The following DPP6 variants were observed in gnomAD, a reference collection of about 807,000 sequenced individuals.
The protein encoded by DPP6 is A-type potassium channel modulatory protein DPP6.
In DPP6, 69 loss-of-function variants were observed where a neutral mutation model predicts 122.6. The ratio of observed to expected loss-of-function variants is 0.56; its 90% confidence interval spans 0.46 to 0.69. DPP6 has a LOEUF of 0.69. Ranked by LOEUF, DPP6 falls within the 30% of genes least tolerant of loss-of-function variation. The probability of loss-of-function intolerance (pLI) is 0.00; values close to 1 mark genes in which losing one functional copy is unlikely to be tolerated. For synonymous variants in DPP6, 418 were observed against 433.1 expected (o/e 0.97, Z 0.43); for missense variants, 928 against 1,116.9 (o/e 0.83, Z 2.41).
intron 1 of DPP6, among the ~76,000 whole-genome samples, chr7:154,229,892 A>C (rs1321269350): frequency 6.6e-6 from 1 of 152,192 alleles, no homozygotes; most frequent in Non-Finnish European, 1.5e-5. Flanking sequence ...TGTGAAACCC[A>C]TGCATAGTTG....
At chr7:154,747,355 G>A (rs1359174887) in intron 8 of DPP6, among the ~76,000 whole-genome samples, 2 of 152,196 alleles carry the variant, frequency 1.3e-5, no homozygotes, top group East Asian at 1.9e-4. Context: ...TCTGAGAAGC[G>A]AAATGATTTG....
intron 5 of DPP6, among the ~76,000 whole-genome samples, chr7:154,568,673 A>G (rs1830923058): frequency 6.6e-6 from 1 of 152,138 alleles, no homozygotes; most frequent in African/African-American, 2.4e-5. Flanking sequence ...TTTGCTAAAG[A>G]TGAGTCTTCA....
intron 3 of DPP6, among the ~76,000 whole-genome samples, chr7:154,506,990 T>C (rs1028847935): frequency 6.6e-6 from 1 of 152,220 alleles, no homozygotes; most frequent in Non-Finnish European, 1.5e-5. Flanking sequence ...CATACTTTTC[T>C]AGCCCTGGGT....
In DPP6 at chr7:154,491,764, G is replaced by C. The variant is rs538274822; in HGVS notation, c.457+16727G>C. Among the ~76,000 whole-genome samples the C allele has an allele frequency of 7.9e-5, 12 of 152,290 alleles. No homozygotes were observed. In the East Asian group the frequency reaches 1.9e-3, roughly 24 times the overall value. On this transcript the variant is annotated intron_variant, in intron 3 of 25. Coordinates refer to ENST00000377770, the MANE Select transcript of DPP6 (RefSeq NM_130797.4). ...AACCGACACCACTGACTGTGATCAT[G>C]CCCCCAGCATACGAAGGAGGATTTT...
chr7:154,119,430 G>T (rs541912727), intron 1 of DPP6, among the ~76,000 whole-genome samples: 58 of 151,978 alleles, frequency 3.8e-4, no homozygotes, highest in African/African-American at 1.3e-3. Context: ...GTTTAAAAAA[G>T]GAAATCTTGA....
At chr7:153,759,442 C>T in the DPP6 span, among the ~76,000 whole-genome samples, 1 of 152,094 alleles carries the variant, frequency 6.6e-6, no homozygotes, top group Non-Finnish European at 1.5e-5. Flanking sequence ...CTGCCTCAGC[C>T]TCTCTAGTAG....
intron 10 of DPP6, among the ~76,000 whole-genome samples, chr7:154,776,569 G>A (rs1796585729): frequency 1.3e-5 from 2 of 152,180 alleles, no homozygotes; most frequent in Non-Finnish European, 2.9e-5. Context: ...TGTTGAGGCA[G>A]GGACGTTAGT....
chr7:154,285,223 ACTG>A (rs1332710985), intron 1 of DPP6, among the ~76,000 whole-genome samples: 1 of 152,074 alleles, frequency 6.6e-6, no homozygotes, highest in African/African-American at 2.4e-5. Flanking sequence ...CTGAATTAAA[ACTG>A]CTTTTTACTA....
chr7:153,959,195 G>A (rs1330419269), intron 1 of DPP6, among the ~76,000 whole-genome samples: 1 of 151,912 alleles, frequency 6.6e-6, no homozygotes. Context: ...TAAATAGCAG[G>A]GAAGGCTGGG....
intron 1 of DPP6, among the ~76,000 whole-genome samples, chr7:153,918,595 T>A (rs868371284): frequency 0.027 from 3,491 of 131,696 alleles, 37 homozygotes; most frequent in African/African-American, 0.048. Flanking sequence ...TCTCTCTCTC[T>A]CTCTCTCTCT....
rs569537813 is a variant in DPP6, at chr7:154,623,623, G to A, written c.628-14198G>A. ...CGCTGACACACACGCACGTACACGC[G>A]CACACATGCGTGCACACACGCGCAC... On this transcript the variant is annotated intron_variant, in intron 5 of 25. Transcript: ENST00000377770. Among the ~76,000 whole-genome samples the A allele has an allele frequency of 3.4e-5, 5 of 146,588 alleles. No homozygotes were observed. In the South Asian group the frequency reaches 8.6e-4, roughly 25 times the overall value.
intron 1 of DPP6, among the ~76,000 whole-genome samples, chr7:154,294,129 AC>A (rs1490332305): frequency 1.3e-5 from 2 of 152,186 alleles, no homozygotes; most frequent in East Asian, 1.9e-4. Flanking sequence ...CTGATGGGCA[AC>A]CCTTTATCTT....
At chr7:153,887,747 G>C (rs374452583) in intron 1 of DPP6, 8 of 1,612,804 alleles carry the variant, frequency 5.0e-6, no homozygotes, top group East Asian at 2.2e-5. Context: ...GAGTGCCACG[G>C]ACAGGGCGCG....
At chr7:154,408,780 T>C (rs1332453101) in intron 1 of DPP6, among the ~76,000 whole-genome samples, 1 of 151,416 alleles carries the variant, frequency 6.6e-6, no homozygotes, top group African/African-American at 2.4e-5. Context: ...TTTTTTTTTT[T>C]CTGACCTTGA....
At chr7:154,775,944 C>T (rs1796532420) in intron 10 of DPP6, among the ~76,000 whole-genome samples, 3 of 152,170 alleles carry the variant, frequency 2.0e-5, no homozygotes, top group Admixed American at 1.3e-4. Context: ...TTACGTCCCT[C>T]TGTGCTGGGG....
intron 8 of DPP6, among the ~76,000 whole-genome samples, chr7:154,743,057 A>G (rs1842885913): frequency 6.6e-6 from 1 of 152,220 alleles, no homozygotes; most frequent in South Asian, 2.1e-4. Context: ...AGGGAAAGAA[A>G]CAGTTATATG....
chr7:154,017,699 T>TAAAA (rs1299925458), intron 1 of DPP6, among the ~76,000 whole-genome samples: 3 of 86,726 alleles, frequency 3.5e-5, no homozygotes, highest in African/African-American at 1.5e-4. Context: ...GCCCTTGTCC[T>TAAAA]AAAAAAAATA....
intron 8 of DPP6, among the ~76,000 whole-genome samples, chr7:154,761,814 A>G (rs1795576974): frequency 6.6e-6 from 1 of 152,092 alleles, no homozygotes; most frequent in Admixed American, 6.5e-5. Context: ...CGTCATTTAC[A>G]TTAGGTATAT....
At chr7:154,468,809 A>G (rs1294644773) in intron 2 of DPP6, among the ~76,000 whole-genome samples, 2 of 152,214 alleles carry the variant, frequency 1.3e-5, no homozygotes, top group East Asian at 1.9e-4. Context: ...ATGTTATGCT[A>G]CTAGTTTTCT....
Sources: allele counts gnomAD v4.1 joint callset (sites outside exome capture counted in the v4.1 genomes callset), GRCh38; gene constraint gnomAD v4.1.1; transcripts MANE v1.5; gene names NCBI Gene and HGNC (gene_info 2026-07-23, HGNC 2026-07-21).